Variants in EPHA6 observed in about 807,000 individuals in gnomAD.
EPHA6 encodes ephrin type-A receptor 6.
Under a neutral mutation model 112.0 loss-of-function variants are expected in EPHA6, and 50 were observed. That is an observed-to-expected ratio of 0.45 (90% CI 0.36 to 0.56). The LOEUF is 0.56. Among genes scored for constraint, EPHA6 ranks in the 20% least tolerant of loss-of-function variants. EPHA6 has a pLI of 0.00. For synonymous variants in EPHA6, 529 were observed against 490.7 expected, an observed-to-expected ratio of 1.08 and a Z score of -1.03; for missense variants, 1,280 against 1,417.4, an observed-to-expected ratio of 0.90 and a Z score of 1.56.
chr3:96,883,219 A>T (rs552350989), intron 2 of EPHA6, among the ~76,000 whole-genome samples: 1 of 152,084 alleles, frequency 6.6e-6, no homozygotes, highest in East Asian at 1.9e-4. Context: ...GGCCATTTGT[A>T]TATCTTCTTT....
At chr3:97,093,266 A>C (rs1489764568) in intron 3 of EPHA6, among the ~76,000 whole-genome samples, 5 of 152,116 alleles carry the variant, frequency 3.3e-5, no homozygotes, top group Admixed American at 3.3e-4. Context: ...AAGGGGAATA[A>C]AGCTGGATGT....
chr3:96,891,687 C>A (rs1437628472), intron 2 of EPHA6, among the ~76,000 whole-genome samples: 1 of 152,042 alleles, frequency 6.6e-6, no homozygotes, highest in Non-Finnish European at 1.5e-5. Context: ...CCAGCATGGG[C>A]AACAAGAGTG....
intron 2 of EPHA6, among the ~76,000 whole-genome samples, chr3:96,967,896 T>C (rs1381702640): frequency 1.3e-5 from 2 of 151,786 alleles, no homozygotes; most frequent in East Asian, 3.9e-4. Context: ...TATTATAAGA[T>C]CTGGGAGTCT....
In EPHA6 at chr3:96,814,837, A is replaced by G. The variant is rs373432052; in HGVS notation, c.214A>G (p.Thr72Ala). The G allele has an allele frequency of 1.3e-4, 211 of 1,576,464 alleles. No individual in the cohort carries two copies. The highest frequency in any genetic ancestry group is 1.2e-3 in the Middle Eastern group (7 of 6,044). ...AGACGTGGACAAGGACCCCCATCCT[A>G]CCCAGAACACCTGCCTGCGCTGCCG... ...EEDVDKDPHPTQNTCLRCRHF... is the reference protein window; with the variant it reads ...EEDVDKDPHPAQNTCLRCRHF... Residue 72 changes from threonine (T) to alanine (A), a missense_variant, in exon 1 of 18, where the codon ACC becomes GCC. By Grantham distance (58) the Thr-to-Ala change is moderately conservative. Transcript: ENST00000389672.
At chr3:97,682,119 GC>G (rs991972453) in intron 14 of EPHA6, among the ~76,000 whole-genome samples, 2 of 151,984 alleles carry the variant, frequency 1.3e-5, no homozygotes, top group African/African-American at 4.8e-5. Context: ...AGAATGGAAA[GC>G]CCATCTAATT....
At chr3:97,608,288 C>G (rs549519947) in intron 12 of EPHA6, among the ~76,000 whole-genome samples, 76 of 151,098 alleles carry the variant, frequency 5.0e-4, no homozygotes, top group Non-Finnish European at 8.5e-4. Flanking sequence ...AAAGTATCTC[C>G]CAAAGAGTTA....
At chr3:97,542,558 TG>T (rs1409210191) in intron 11 of EPHA6, among the ~76,000 whole-genome samples, 1 of 152,204 alleles carries the variant, frequency 6.6e-6, no homozygotes, top group African/African-American at 2.4e-5. Flanking sequence ...TAAACATACG[TG>T]TGCATGTGTC....
chr3:97,013,858 G>A (rs1219419482), intron 3 of EPHA6, among the ~76,000 whole-genome samples: 2 of 152,056 alleles, frequency 1.3e-5, no homozygotes, highest in African/African-American at 4.8e-5. Context: ...TTTTTGCATA[G>A]GAGTTTTATG....
chr3:97,036,040 G>A (rs139588355), intron 3 of EPHA6, among the ~76,000 whole-genome samples: 140 of 152,070 alleles, frequency 9.2e-4, no homozygotes, highest in African/African-American at 3.2e-3. Context: ...ATACAAGAAG[G>A]TAGCCATTTA....
rs139036043 is a variant in EPHA6, at chr3:96,818,430, C to A, written c.385+3422C>A. On this transcript the variant is annotated intron_variant, in intron 1 of 17. Transcript: ENST00000389672. ...TAGTCTAGTGAACTTATTTTATTAG[C>A]AATACTTTGTGAATCGATTTTCCCC... 4.6e-3 allele frequency among the ~76,000 whole-genome samples: 705 copies of A among 151,966 alleles called. 8 individuals are homozygous for A. Among genetic ancestry groups the A allele is most frequent in the African/African-American group, 0.016 (681 of 41,502 alleles).
chr3:97,126,785 G>T (rs1015086548), intron 3 of EPHA6, among the ~76,000 whole-genome samples: 3 of 151,056 alleles, frequency 2.0e-5, no homozygotes, highest in African/African-American at 7.3e-5. Context: ...ACTAAAACTA[G>T]CATATTAATT....
rs545340701 is a variant in EPHA6 at position 97,422,176 on chromosome 3, CTTTA to C, written c.1731+16907_1731+16910del. 5.3e-3 allele frequency among the ~76,000 whole-genome samples: 702 copies of C among 132,646 alleles called. 7 individuals are homozygous for C. The highest frequency in any genetic ancestry group is 0.018 in the African/African-American group (674 of 36,478). The allele number at this position is 132,646 out of a possible 152,430, so 87.0% of individuals were successfully genotyped here. The stretch of plus-strand genomic sequence containing the variant: ...AAAAAAAGAATAGTCTCTCAAAAAA[CTTTA>C]TTTAGATTGTCAAAAGACAAGACAA... On this transcript the variant is annotated intron_variant, in intron 6 of 17. Transcript: ENST00000389672.
chr3:96,938,315 G>T (rs1176294028), intron 2 of EPHA6, among the ~76,000 whole-genome samples: 6 of 151,896 alleles, frequency 4.0e-5, no homozygotes, highest in Middle Eastern at 3.2e-3. Context: ...CCTTGAAGAG[G>T]TCCTTCACAT....
chr3:97,289,189 T>A (rs1005458330), intron 5 of EPHA6, among the ~76,000 whole-genome samples: 13 of 152,294 alleles, frequency 8.5e-5, no homozygotes, highest in African/African-American at 3.1e-4. Flanking sequence ...TCCTAGGTTT[T>A]CTTCTAGGAT....
At chr3:97,446,889 C>G (rs1661520554) in intron 6 of EPHA6, among the ~76,000 whole-genome samples, 1 of 152,028 alleles carries the variant, frequency 6.6e-6, no homozygotes, top group African/African-American at 2.4e-5. Context: ...GACTTTATTT[C>G]CTTGTATTTT....
intron 3 of EPHA6, among the ~76,000 whole-genome samples, chr3:97,214,600 T>C (rs1216946687): frequency 2.6e-5 from 4 of 152,046 alleles, no homozygotes; most frequent in Non-Finnish European, 5.9e-5. Context: ...GCCATATGTA[T>C]AATATTTTCA....
At position 97,645,631 on chromosome 3, in the gene EPHA6, G is replaced by C. The variant is rs564631847; in HGVS notation, c.2784+7549G>C. 4.0e-5 allele frequency among the ~76,000 whole-genome samples: 6 copies of C among 151,598 alleles called. No homozygotes were observed. In the South Asian group the frequency reaches 1.3e-3, roughly 32 times the overall value. ...GTATACATATGTAACTAACCTGCAC[G>C]TTGTGCACATGTACCCTAAAACTTA... On this transcript the variant is annotated intron_variant, in intron 14 of 17. Transcript: ENST00000389672.
At position 97,257,845 on chromosome 3, in the gene EPHA6, A is replaced by C. The variant is rs142926317; in HGVS notation, c.1606+13558A>C. ...AGTCTAGTGAATGAGAATAATGTTT[A>C]CAATATTGTGTTAAGTGTAGCAGGA... On this transcript the variant is annotated intron_variant, in intron 5 of 17. Transcript: ENST00000389672. Among the ~76,000 whole-genome samples the C allele has an allele frequency of 8.5e-3, 1,301 of 152,202 alleles. 12 individuals are homozygous for C. The highest frequency in any genetic ancestry group is 0.019 in the South Asian group (90 of 4,824).
intron 5 of EPHA6, among the ~76,000 whole-genome samples, chr3:97,360,551 A>C (rs956975131): frequency 1.3e-5 from 2 of 152,168 alleles, no homozygotes; most frequent in African/African-American, 4.8e-5. Context: ...GGTCAGGATA[A>C]ATTTTATTCC....
Sources: allele counts gnomAD v4.1 joint callset (sites outside exome capture counted in the v4.1 genomes callset), GRCh38; gene constraint gnomAD v4.1.1; transcripts MANE v1.5; gene names NCBI Gene and HGNC (gene_info 2026-07-23, HGNC 2026-07-21).